The following GPR35 variants were observed in gnomAD, a reference collection of about 807,000 sequenced individuals.
GPR35 encodes the protein KYNA receptor.
For synonymous variants in GPR35, 207 were observed against 198.4 expected, an observed-to-expected ratio of 1.04 and a Z score of -0.36; for missense variants, 372 against 422.5, an observed-to-expected ratio of 0.88 and a Z score of 1.05.
chr2:240,623,280 G>A (rs1164939799), upstream of GPR35, among the ~76,000 whole-genome samples: 1 of 152,200 alleles, frequency 6.6e-6, no homozygotes, highest in Non-Finnish European at 1.5e-5. Context: ...AAATCAAACA[G>A]GGTGAAGGGC....
At chr2:240,607,931 G>A (rs960214878) in intron 2 of GPR35, among the ~76,000 whole-genome samples, 1 of 151,170 alleles carries the variant, frequency 6.6e-6, no homozygotes, top group Non-Finnish European at 1.5e-5. Flanking sequence ...TCACTCTGTT[G>A]CCCAGGCTGG....
intron 2 of GPR35, among the ~76,000 whole-genome samples, chr2:240,609,360 C>T (rs1243003790): frequency 1.3e-5 from 2 of 152,198 alleles, no homozygotes; most frequent in Non-Finnish European, 2.9e-5. Context: ...TACAGATTTT[C>T]CTCTAAGCAT....
rs1452749728 is a variant in GPR35 at position 240,626,381 on chromosome 2, CTGATGGGGTCTCAGAGTGGGGTGAGGCTG to C, written c.-5+851_-5+879del. Among the ~76,000 whole-genome samples the C allele has an allele frequency of 1.1e-3, 40 of 34,942 alleles. No individual in the cohort carries two copies. In the South Asian group the frequency reaches 0.016, roughly 14 times the overall value. 22.9% of individuals were successfully genotyped at this position (34,942 alleles called of 152,430 possible). A position where few individuals can be genotyped will look rare whatever the true frequency, so the allele number is the denominator to read the frequency against. On this transcript the variant is annotated intron_variant, in intron 1 of 1. Transcript: ENST00000407714. Reference sequence around the variant, plus strand: ...CGGGGTCTCAGAGTGGGGTGAGGCTCTGATGGGGTCTCAGAGTGGGGTGAGGCTGTGATGGGGTCTCAGAGTGGGGTGAG... The same window carrying C: ...CGGGGTCTCAGAGTGGGGTGAGGCTCTGATGGGGTCTCAGAGTGGGGTGAG...
At chr2:240,629,214 A>G (rs2953155) in intron 1 of GPR35, 75,878 of 152,238 alleles carry the variant, frequency 0.5, 20,131 homozygotes, top group South Asian at 0.78. Context: ...GAGCAGCACG[A>G]CTGGGCCTGA....
upstream of GPR35, among the ~76,000 whole-genome samples, chr2:240,621,103 C>G (rs1005214509): frequency 6.6e-6 from 1 of 152,190 alleles, no homozygotes; most frequent in African/African-American, 2.4e-5. Flanking sequence ...TCTCGGGGTC[C>G]ACAACTGAGC....
At chr2:240,611,795 G>A (rs1295837165) in intron 2 of GPR35, among the ~76,000 whole-genome samples, 2 of 152,212 alleles carry the variant, frequency 1.3e-5, no homozygotes, top group Admixed American at 6.5e-5. Context: ...CGGGGCTGGA[G>A]CTGGCTCTAG....
chr2:240,607,109 C>T (rs1406538168), intron 2 of GPR35: 1 of 152,034 alleles, frequency 6.6e-6, no homozygotes, highest in East Asian at 1.9e-4. Context: ...ACATAGATGA[C>T]TATGAGGAGG....
intron 2 of GPR35, among the ~76,000 whole-genome samples, chr2:240,615,268 C>T (rs2043227609): frequency 6.6e-6 from 1 of 152,170 alleles, no homozygotes; most frequent in African/African-American, 2.4e-5. Flanking sequence ...GCCCAAAAGC[C>T]CCTTGCCGAG....
At position 240,630,676 on chromosome 2, in the gene GPR35, G is replaced by T; in HGVS notation, c.724G>T (p.Ala242Ser). ...GCACGTGGGGCTGACAGTGCGCCTC[G>T]CAGTGGGCTGGAACGCCTGTGCCCT... Reference protein sequence around the residue: ...PLHVGLTVRLAVGWNACALLE... With the variant: ...PLHVGLTVRLSVGWNACALLE... The change falls in exon 2 of 2, where the codon GCA (alanine) becomes TCA (serine). Residue 242 changes from alanine (A) to serine (S), a missense_variant. By Grantham distance (99) the Ala-to-Ser change is moderately conservative. Transcript: ENST00000407714. 1 of 1,613,292 alleles carries T rather than the reference G, an allele frequency of 6.2e-7. No individual in the cohort carries two copies. The highest frequency in any genetic ancestry group is 8.5e-7 in the Non-Finnish European group (1 of 1,180,018).
At position 240,630,319 on chromosome 2, in the gene GPR35, C is replaced by T. The variant is rs547720846; in HGVS notation, c.367C>T (p.Arg123Cys). ...DRYVAVRHPL[R>C]ARGLRSPRQA... Reference sequence around the variant, plus strand: ...CTATGTGGCCGTGCGGCACCCGCTGCGTGCCCGCGGGCTGCGGTCCCCCAG... The same window carrying T: ...CTATGTGGCCGTGCGGCACCCGCTGTGTGCCCGCGGGCTGCGGTCCCCCAG... The change falls in exon 2 of 2, where the codon CGT becomes TGT. Residue 123 changes from arginine (R) to cysteine (C), a missense_variant. Arg to Cys is a radical substitution (Grantham distance 180, BLOSUM62 -3). Transcript: ENST00000407714. 2.5e-5 allele frequency: 40 copies of T among 1,589,296 alleles called. No individual in the cohort carries two copies. In the South Asian group the frequency reaches 2.6e-4, roughly 10 times the overall value.
At chr2:240,611,574 TC>T (rs1471341122) in intron 2 of GPR35, among the ~76,000 whole-genome samples, 4 of 152,214 alleles carry the variant, frequency 2.6e-5, no homozygotes, top group African/African-American at 9.7e-5. Flanking sequence ...GGAGAAAGAT[TC>T]CAAAATGACA....
intron 1 of GPR35, chr2:240,627,555 C>T (rs1171323525): frequency 6.6e-6 from 1 of 151,126 alleles, no homozygotes; most frequent in Admixed American, 6.6e-5. Flanking sequence ...CAGCCTCAAC[C>T]TCCTGGGCTC....
rs548051621 is a variant in GPR35, at chr2:240,630,536, T to C, written c.584T>C (p.Val195Ala). 4 of 1,612,884 alleles carry C rather than the reference T, an allele frequency of 2.5e-6. No individual in the cohort carries two copies. In the East Asian group the frequency reaches 8.9e-5, roughly 36 times the overall value. ...AVVVFCSLKVVTALAQRPPTD... is the reference protein window; with the variant it reads ...AVVVFCSLKVATALAQRPPTD... Reference sequence around the variant, plus strand: ...GTGGTCTTCTGCTCCCTGAAGGTGGTGACTGCCCTGGCCCAGAGGCCACCC... The same window carrying C: ...GTGGTCTTCTGCTCCCTGAAGGTGGCGACTGCCCTGGCCCAGAGGCCACCC... The change falls in exon 2 of 2, where the codon GTG becomes GCG. Residue 195 changes from valine (V) to alanine (A), a missense_variant. Transcript: ENST00000407714.
At chr2:240,612,327 C>T (rs1257282094) in intron 2 of GPR35, among the ~76,000 whole-genome samples, 1 of 148,470 alleles carries the variant, frequency 6.7e-6, no homozygotes, top group African/African-American at 2.5e-5. Context: ...CTCGGGAGGC[C>T]GAGGCAGGAG....
At chr2:240,609,584 G>A (rs2043164469) in intron 2 of GPR35, among the ~76,000 whole-genome samples, 1 of 152,174 alleles carries the variant, frequency 6.6e-6, no homozygotes, top group Non-Finnish European at 1.5e-5. Flanking sequence ...AACATATTCT[G>A]TATAACTTAA....
At chr2:240,629,663 G>A (rs1167892803) in intron 1 of GPR35, 20 of 358,758 alleles carry the variant, frequency 5.6e-5, no homozygotes, top group Non-Finnish European at 1.0e-4. Flanking sequence ...GACTGGAGGG[G>A]AACGTGGAGC....
At chr2:240,626,841 G>T (rs953730031) in intron 1 of GPR35, among the ~76,000 whole-genome samples, 3 of 152,208 alleles carry the variant, frequency 2.0e-5, no homozygotes, top group African/African-American at 7.2e-5. Context: ...TCTGGGGTCT[G>T]GGCGGGTCCC....
At position 240,616,875 on chromosome 2, in the gene GPR35, CCT is replaced by C. The variant is rs1186182987; in HGVS notation, c.-452-214_-452-213del. 3 of 731,836 alleles carry C rather than the reference CCT, an allele frequency of 4.1e-6. No homozygotes were observed. The African/African-American group carries it at 5.1e-5, about 13-fold the overall frequency. 45.3% of individuals were successfully genotyped at this position (731,836 alleles called of 1,614,324 possible). Reference sequence around the variant, plus strand: ...AGCCAGATGCCATGCTGTGTGCTGCCCTGTGAAGAGGCATGGCCAGTAAGGAA... The same window carrying C: ...AGCCAGATGCCATGCTGTGTGCTGCCGTGAAGAGGCATGGCCAGTAAGGAA... On this transcript the variant is annotated intron_variant, in intron 3 of 5. Coordinates refer to the GPR35 transcript ENST00000319838.
chr2:240,620,057 T>G (rs945178275), intron 5 of GPR35, among the ~76,000 whole-genome samples: 3 of 151,908 alleles, frequency 2.0e-5, no homozygotes, highest in Non-Finnish European at 4.4e-5. Context: ...TCCGAGAGGG[T>G]GGCCCTGCTG....
Sources: allele counts gnomAD v4.1 joint callset (sites outside exome capture counted in the v4.1 genomes callset), GRCh38; gene constraint gnomAD v4.1.1; transcripts MANE v1.5; gene names NCBI Gene and HGNC (gene_info 2026-07-23, HGNC 2026-07-21).